The following SLC36A4 variants were observed in gnomAD, a reference collection of about 807,000 sequenced individuals.
The protein encoded by SLC36A4 is neutral amino acid uniporter 4.
In SLC36A4, 49 loss-of-function variants were observed where a neutral mutation model predicts 50.5. The ratio of observed to expected loss-of-function variants is 0.97; its 90% CI spans 0.77 to 1.23. SLC36A4 has a LOEUF of 1.23. Among genes scored for constraint, SLC36A4 ranks in the 50% most tolerant of loss-of-function variants. The pLI is 0.00. For synonymous variants in SLC36A4, 207 were observed against 206.5 expected, an observed-to-expected ratio of 1.00 and a Z score of -0.02; for missense variants, 611 against 608.4, an observed-to-expected ratio of 1.00 and a Z score of -0.05.
At chr11:93,178,145 A>C (rs143742466) in intron 6 of SLC36A4, among the ~76,000 whole-genome samples, 1 of 152,258 alleles carries the variant, frequency 6.6e-6, no homozygotes, top group East Asian at 1.9e-4. Flanking sequence ...GAGCACTGCT[A>C]GCTCACTGTG....
chr11:93,166,254 C>T, intron 7 of SLC36A4: 4 of 1,215,066 alleles, frequency 3.3e-6, no homozygotes, highest in South Asian at 2.4e-5. Flanking sequence ...GAGCAAAATG[C>T]TCCTGATTAC....
At chr11:93,191,172 C>T (rs141265404) in intron 1 of SLC36A4, among the ~76,000 whole-genome samples, 1,812 of 152,210 alleles carry the variant, frequency 0.012, 16 homozygotes, top group Middle Eastern at 0.034. Flanking sequence ...CTTTTAGAAG[C>T]TCCAGGTAAT....
rs1860243857 is a variant in SLC36A4 at position 93,154,268 on chromosome 11, T to C, written c.1047A>G (p.Gln349=). Residue 349 remains glutamine (Q), a synonymous_variant, in exon 10 of 11, where the codon CAA becomes CAG. Transcript: ENST00000326402. ...LNLPQDVWLY[Q]SVKILYSFGI... is the part of the protein sequence containing the mutation. Reference sequence around the variant, plus strand: ...CAAAGGAATATAGAATTTTCACTGATTGATATAACCTGTTGAAAAAAATTT... The same window carrying C: ...CAAAGGAATATAGAATTTTCACTGACTGATATAACCTGTTGAAAAAAATTT... 2.1e-6 allele frequency: 3 copies of C among 1,421,680 alleles called. No homozygotes were observed. Among genetic ancestry groups the C allele is most frequent in the East Asian group, 2.6e-5 (1 of 38,186 alleles). The allele number at this position is 1,421,680 out of a possible 1,614,324, so 88.1% of individuals were successfully genotyped here.
At chr11:93,164,138 TG>T (rs1450240714) in intron 8 of SLC36A4, among the ~76,000 whole-genome samples, 2 of 152,152 alleles carry the variant, frequency 1.3e-5, no homozygotes, top group African/African-American at 2.4e-5. Flanking sequence ...TTGTTGATAC[TG>T]GGGTATCACT....
intron 9 of SLC36A4, among the ~76,000 whole-genome samples, chr11:93,161,836 T>G (rs1860633174): frequency 6.6e-6 from 1 of 152,210 alleles, no homozygotes; most frequent in Non-Finnish European, 1.5e-5. Flanking sequence ...TGGTAATCAC[T>G]GCCACTATCT....
intron 10 of SLC36A4, among the ~76,000 whole-genome samples, chr11:93,149,763 C>A (rs1005383032): frequency 7.2e-5 from 11 of 151,820 alleles, no homozygotes; most frequent in Admixed American, 5.3e-4. Flanking sequence ...ATGTCCTGGA[C>A]CAGAAAAGGA....
chr11:93,190,802 G>A (rs1862187564), intron 1 of SLC36A4, among the ~76,000 whole-genome samples: 1 of 152,094 alleles, frequency 6.6e-6, no homozygotes, highest in South Asian at 2.1e-4. Flanking sequence ...GCGTGGTCTT[G>A]CCTCACTGCA....
chr11:93,153,423 A>T (rs1298686619), intron 10 of SLC36A4, among the ~76,000 whole-genome samples: 1 of 152,064 alleles, frequency 6.6e-6, no homozygotes, highest in African/African-American at 2.4e-5. Context: ...TTTTATCTTC[A>T]TTTCACAGTT....
intron 6 of SLC36A4, among the ~76,000 whole-genome samples, chr11:93,169,198 A>G (rs558048203): frequency 6.6e-6 from 1 of 152,230 alleles, no homozygotes; most frequent in Admixed American, 6.6e-5. Context: ...TGCTTTATAT[A>G]CAACATCTCA....
At chr11:93,160,063 T>C in intron 9 of SLC36A4, 1 of 985,374 alleles carries the variant, frequency 1.0e-6, no homozygotes, top group East Asian at 1.1e-4. Context: ...ATATAGTATA[T>C]TAAGAAAGAA....
intron 9 of SLC36A4, chr11:93,160,128 G>T: frequency 1.0e-6 from 1 of 985,202 alleles, no homozygotes; most frequent in Non-Finnish European, 1.2e-6. Context: ...TTTACAGAAT[G>T]CCATGACTGT....
intron 8 of SLC36A4, among the ~76,000 whole-genome samples, chr11:93,165,511 T>A (rs752250478): frequency 1.8e-4 from 27 of 152,202 alleles, no homozygotes; most frequent in Non-Finnish European, 3.8e-4. Context: ...CTATAAAATA[T>A]GCTTCAGATG....
rs369320989 is a variant in SLC36A4, at chr11:93,148,644, T to C, written c.1408A>G (p.Ile470Val). Residue 470 changes from isoleucine to valine, a missense_variant, in exon 11 of 11, where the codon ATA becomes GTA. Physicochemically the swap from Ile to Val is conservative, Grantham distance 29. Transcript: ENST00000326402. ...GVVGFLLGTY[I>V]TVEEIIYPTP... Reference sequence around the variant, plus strand: ...GGATAAATAATTTCTTCAACAGTTATATATGTACCTAATAAGAAGCCAACA... The same window carrying C: ...GGATAAATAATTTCTTCAACAGTTACATATGTACCTAATAAGAAGCCAACA... 3.7e-6 allele frequency: 6 copies of C among 1,612,680 alleles called. No individual in the cohort carries two copies. The highest frequency in any genetic ancestry group is 2.2e-5 in the East Asian group (1 of 44,830).
At chr11:93,179,547 A>C (rs927947963) in intron 6 of SLC36A4, among the ~76,000 whole-genome samples, 1 of 152,182 alleles carries the variant, frequency 6.6e-6, no homozygotes, top group Admixed American at 6.5e-5. Context: ...CAGACATTTA[A>C]GGTTCCAGAT....
intron 10 of SLC36A4, among the ~76,000 whole-genome samples, chr11:93,153,790 A>G (rs1048880726): frequency 1.3e-5 from 2 of 152,116 alleles, no homozygotes; most frequent in Non-Finnish European, 2.9e-5. Flanking sequence ...GAGAAAAACT[A>G]GAACCAAAAT....
rs1238150558 is a variant in SLC36A4 at position 93,146,401 on chromosome 11, A to G, written c.*2136T>C. 2 of 152,134 alleles carry G rather than the reference A, an allele frequency of 1.3e-5. No homozygotes were observed. Among genetic ancestry groups the G allele is most frequent in the South Asian group, 2.1e-4 (1 of 4,828 alleles). 9.4% of individuals were successfully genotyped at this position (152,134 alleles called of 1,614,324 possible). On this transcript the variant is annotated 3_prime_UTR_variant, in exon 11 of 11. Transcript: ENST00000326402. Reference sequence around the variant, plus strand: ...TTCAAGATTATATAATACTAGTTTCAGTGAAGATTCGTTTTCCTATAACTT... The same window carrying G: ...TTCAAGATTATATAATACTAGTTTCGGTGAAGATTCGTTTTCCTATAACTT...
At chr11:93,178,370 C>T (rs957176808) in intron 6 of SLC36A4, among the ~76,000 whole-genome samples, 2 of 152,146 alleles carry the variant, frequency 1.3e-5, no homozygotes, top group African/African-American at 4.8e-5. Flanking sequence ...CCCTGCCCTG[C>T]TTTGGCTCAC....
In SLC36A4 at chr11:93,148,695, T is replaced by C; in HGVS notation, c.1357A>G (p.Asn453Asp). 6.2e-7 allele frequency: 1 copy of C among 1,612,874 alleles called. No homozygotes were observed. The change falls in exon 11 of 11, where the codon AAT becomes GAT. Residue 453 changes from asparagine (N) to aspartate (D), a missense_variant. Asn to Asp is a conservative substitution (Grantham distance 23). Transcript: ENST00000326402. ...ACTCCAGTGAATGCTATAGAAATAT[T>C]TTTCAGGACCATCCATATATTATAA... is the stretch of plus-strand genomic sequence containing the variant. ...EHYNIWMVLK[N>D]ISIAFTGVVG...
chr11:93,148,315 C>T lies in SLC36A4; in HGVS notation c.*222G>A. On this transcript the variant is annotated 3_prime_UTR_variant, in exon 11 of 11. Transcript: ENST00000326402. ...TTTACATTTTAATTTTTTCAATTTT[C>T]AGAACTTAATTTTTTGAACTATTGC... 5.7e-6 allele frequency: 2 copies of T among 351,364 alleles called. No individual in the cohort carries two copies. The highest frequency in any genetic ancestry group is 1.0e-5 in the Non-Finnish European group (2 of 198,150). The allele number at this position is 351,364 out of a possible 1,614,324, so 21.8% of individuals were successfully genotyped here.
Sources: gnomAD v4.1 joint callset for allele counts (sites outside exome capture counted in the v4.1 genomes callset) on GRCh38, gnomAD v4.1.1 for gene constraint, MANE v1.5 for transcripts, NCBI Gene and HGNC (gene_info 2026-07-23, HGNC 2026-07-21) for gene names.